Variants in GALNT14 observed in about 807,000 individuals in gnomAD.
GALNT14 encodes polypeptide N-acetylgalactosaminyltransferase 14, also known as UDP-GalNAc:polypeptide N-acetylgalactosaminyltransferase 14.
A neutral mutation model predicts 77.5 loss-of-function variants in GALNT14; 60 were observed. That is an observed-to-expected ratio of 0.77 (90% CI 0.63 to 0.96). The LOEUF is 0.96. GALNT14 is among the 40% of genes least tolerant of loss of function. The pLI is 0.00. For missense variants in GALNT14, 710 were observed against 731.0 expected (o/e 0.97, Z 0.33); for synonymous variants, 280 against 281.7 (o/e 0.99, Z 0.06).
intron 1 of GALNT14, among the ~76,000 whole-genome samples, chr2:31,016,824 T>C (rs188160279): frequency 2.7e-4 from 41 of 152,224 alleles, no homozygotes; most frequent in Non-Finnish European, 4.9e-4. Flanking sequence ...AGTGCTCTCA[T>C]TAAATTTACA....
intron 2 of GALNT14, among the ~76,000 whole-genome samples, chr2:30,990,280 A>T (rs1376484693): frequency 2.0e-5 from 3 of 152,242 alleles, no homozygotes. Context: ...GGTCACCAGC[A>T]GCATTAGCTG....
intron 6 of GALNT14, among the ~76,000 whole-genome samples, chr2:30,949,234 G>A (rs1255702460): frequency 6.6e-6 from 1 of 152,122 alleles, no homozygotes; most frequent in Non-Finnish European, 1.5e-5. Flanking sequence ...AAGCCTGGTG[G>A]GCAGCAGGTG....
At position 31,138,332 on chromosome 2, in the gene GALNT14, G is replaced by T. The variant is rs1383257954; in HGVS notation, c.-246C>A. The T allele has an allele frequency of 4.3e-6, 2 of 469,140 alleles. No individual in the cohort carries two copies. The highest frequency in any genetic ancestry group is 5.7e-4 in the Middle Eastern group (1 of 1,760). 29.1% of individuals were successfully genotyped at this position (469,140 alleles called of 1,614,324 possible). ...AGGACCGAGGGCAGCCAAGCTGGAC[G>T]CCCGCTCCAGCGGGAGAAGCGCGGT... On this transcript the variant is annotated 5_prime_UTR_variant, in exon 1 of 15. Coordinates refer to ENST00000349752, the MANE Select transcript of GALNT14 (RefSeq NM_024572.4).
In GALNT14 at chr2:30,958,453, C is replaced by T. The variant is rs770603752; in HGVS notation, c.410G>A (p.Arg137His). Residue 137 changes from arginine to histidine, a missense_variant, in exon 4 of 15, where the codon CGC (arginine) becomes CAC (histidine). Physicochemically the swap from Arg to His is conservative, Grantham distance 29 (BLOSUM62 0). Transcript: ENST00000349752. ...LLRTIRSVLN[R>H]TPTHLIREII... ...TTCCCGGATCAGATGCGTAGGGGTG[C>T]GGTTTAATACACTGCAAGATGGAAA... The T allele has an allele frequency of 1.7e-5, 28 of 1,613,642 alleles. No homozygotes were observed. The highest frequency in any genetic ancestry group is 1.7e-4 in the Admixed American group (10 of 59,992).
In GALNT14 at chr2:30,942,837, T is replaced by C. The variant is rs531369863; in HGVS notation, c.828-533A>G. ...CCTCTGTTATGGGTTGAATTCCTTCTTAAAAAGATATGCTGGAGTCCTAAC... is the reference window on the plus strand; with the variant it reads ...CCTCTGTTATGGGTTGAATTCCTTCCTAAAAAGATATGCTGGAGTCCTAAC... On this transcript the variant is annotated intron_variant, in intron 8 of 14. Coordinates refer to ENST00000349752, the MANE Select transcript of GALNT14 (RefSeq NM_024572.4). 8.4e-4 allele frequency among the ~76,000 whole-genome samples: 128 copies of C among 152,318 alleles called. 1 individual carries two copies. The highest frequency in any genetic ancestry group is 3.0e-3 in the African/African-American group (124 of 41,576).
chr2:30,932,240 T>G, intron 9 of GALNT14, 46 bp from the exon 10 acceptor site: 1 of 1,389,600 alleles, frequency 7.2e-7, no homozygotes, highest in Non-Finnish European at 9.4e-7. Flanking sequence ...TCACTGCTGC[T>G]GCAGCTTTGA....
At chr2:31,093,370 G>A (rs1676851504) in intron 1 of GALNT14, among the ~76,000 whole-genome samples, 3 of 152,164 alleles carry the variant, frequency 2.0e-5, no homozygotes, top group Admixed American at 2.0e-4. Flanking sequence ...AGCTTGAGAT[G>A]GATTCTCTTA....
At chr2:31,042,217 G>C (rs1441723009) in intron 1 of GALNT14, among the ~76,000 whole-genome samples, 1 of 152,108 alleles carries the variant, frequency 6.6e-6, no homozygotes, top group Non-Finnish European at 1.5e-5. Context: ...TAAATAGTTA[G>C]CTCCCCTGGT....
At chr2:31,015,078 T>A (rs1671269752) in intron 1 of GALNT14, among the ~76,000 whole-genome samples, 1 of 151,486 alleles carries the variant, frequency 6.6e-6, no homozygotes, top group Non-Finnish European at 1.5e-5. Flanking sequence ...TCACCTGAGG[T>A]CAGGAGTTTG....
intron 2 of GALNT14, 54 bp downstream of exon 2, chr2:30,992,784 G>T: frequency 1.3e-6 from 2 of 1,580,418 alleles, no homozygotes; most frequent in Non-Finnish European, 1.7e-6. Context: ...GATCAAGCCT[G>T]CTGTTGATCT....
chr2:31,135,100 G>A (rs1426256090), intron 1 of GALNT14, among the ~76,000 whole-genome samples: 1 of 152,160 alleles, frequency 6.6e-6, no homozygotes, highest in African/African-American at 2.4e-5. Context: ...AAAATCATTT[G>A]ACCATATTTA....
intron 6 of GALNT14, among the ~76,000 whole-genome samples, chr2:30,949,133 A>G (rs1043016146): frequency 6.6e-6 from 1 of 152,200 alleles, no homozygotes; most frequent in Non-Finnish European, 1.5e-5. Flanking sequence ...AAGAGGCTTT[A>G]TAATGAGTCA....
chr2:30,978,635 G>A (rs533471910), intron 2 of GALNT14, among the ~76,000 whole-genome samples: 1 of 152,320 alleles, frequency 6.6e-6, no homozygotes, highest in East Asian at 1.9e-4. Flanking sequence ...CCTCTGTTCT[G>A]AGGATTCACT....
At chr2:31,028,844 C>T (rs1333558924) in intron 1 of GALNT14, among the ~76,000 whole-genome samples, 2 of 151,984 alleles carry the variant, frequency 1.3e-5, no homozygotes, top group Non-Finnish European at 2.9e-5. Flanking sequence ...AGTGGGGAAG[C>T]GAAGGTGAGG....
chr2:30,934,908 G>A (rs868223983), intron 9 of GALNT14, among the ~76,000 whole-genome samples: 1 of 152,126 alleles, frequency 6.6e-6, no homozygotes, highest in Non-Finnish European at 1.5e-5. Context: ...TGAGATGGAC[G>A]GGACATTATC....
At chr2:30,903,819 G>A in the GALNT14 span, among the ~76,000 whole-genome samples, 1 of 152,204 alleles carries the variant, frequency 6.6e-6, no homozygotes. Flanking sequence ...AATTACCAAA[G>A]AGCATGTAGG....
chr2:31,027,286 G>T (rs919530559), intron 1 of GALNT14, among the ~76,000 whole-genome samples: 1 of 152,152 alleles, frequency 6.6e-6, no homozygotes, highest in Non-Finnish European at 1.5e-5. Flanking sequence ...AAAAAAATTA[G>T]CCGGGCATGG....
At chr2:31,030,948 T>C (rs556723297) in intron 1 of GALNT14, among the ~76,000 whole-genome samples, 2 of 152,312 alleles carry the variant, frequency 1.3e-5, no homozygotes, top group African/African-American at 4.8e-5. Flanking sequence ...TGAAGGATTT[T>C]GATAGCCCCA....
chr2:31,109,608 A>G (rs1053386938), intron 1 of GALNT14, among the ~76,000 whole-genome samples: 8 of 152,234 alleles, frequency 5.3e-5, no homozygotes, highest in African/African-American at 1.9e-4. Context: ...AGACACTCAC[A>G]CAGGAACTGG....
Sources: gnomAD v4.1 joint callset for allele counts (sites outside exome capture counted in the v4.1 genomes callset) on GRCh38, gnomAD v4.1.1 for gene constraint, MANE v1.5 for transcripts, NCBI Gene and HGNC (gene_info 2026-07-23, HGNC 2026-07-21) for gene names.